Variants in NCF4 observed in about 807,000 individuals in gnomAD.
NCF4 encodes the protein neutrophil cytosolic factor 4, also known as neutrophil cytosol factor 4.
NCF4 carries 30 observed loss-of-function variants against 41.7 expected under a neutral mutation model. That is an observed-to-expected ratio of 0.72 (90% confidence interval 0.54 to 0.97). The LOEUF is 0.97. Among genes scored for constraint, NCF4 ranks in the 50% least tolerant of loss-of-function variants. The pLI, the probability that NCF4 is intolerant of heterozygous loss-of-function variation, is 0.00. For missense variants in NCF4, 432 were observed against 460.9 expected (o/e 0.94, Z 0.57); for synonymous variants, 195 against 175.8 (o/e 1.11, Z -0.87).
chr22:36,864,058 C>T lies in NCF4; in HGVS notation c.46C>T (p.Leu16Phe), dbSNP rs755356622. The T allele has an allele frequency of 8.7e-6, 14 of 1,614,050 alleles. No homozygotes were observed. Among genetic ancestry groups the T allele is most frequent in the Admixed American group, 8.3e-5 (5 of 60,010 alleles). Residue 16 changes from leucine to phenylalanine, a missense_variant, in exon 2 of 10, where the codon CTT (leucine) becomes TTT (phenylalanine). Coordinates refer to ENST00000248899, the MANE Select transcript of NCF4 (RefSeq NM_000631.5). ...TCCTTCGCACAGTGACTTTGAACAGCTTCCGGATGATGTTGCCATCTCGGC... is the reference window on the plus strand; with the variant it reads ...TCCTTCGCACAGTGACTTTGAACAGTTTCCGGATGATGTTGCCATCTCGGC... ...QLRAESDFEQ[L>F]PDDVAISANI...
intron 3 of NCF4, among the ~76,000 whole-genome samples, chr22:36,866,337 C>A (rs1480269122): frequency 6.6e-6 from 1 of 152,138 alleles, no homozygotes; most frequent in African/African-American, 2.4e-5. Flanking sequence ...CATCTTCACA[C>A]CCCCACTCCT....
intron 5 of NCF4, among the ~76,000 whole-genome samples, chr22:36,870,787 A>G (rs2145717150): frequency 6.6e-6 from 1 of 152,250 alleles, no homozygotes; most frequent in Middle Eastern, 3.4e-3. Flanking sequence ...GACTCCAGAG[A>G]GTTTGGTGCC....
In NCF4 at chr22:36,863,147, A is replaced by G. The variant is rs374570915; in HGVS notation, c.33-898A>G. On this transcript the variant is annotated intron_variant, in intron 1 of 9. Transcript: ENST00000248899. ...CCATCAAAAAACTCTATAATTGCAG[A>G]CGACGGTAGTGGCCGTGTATTGAGC... 9.9e-5 allele frequency among the ~76,000 whole-genome samples: 15 copies of G among 152,224 alleles called. No individual in the cohort carries two copies. The East Asian group carries it at 1.7e-3, about 18-fold the overall frequency.
At chr22:36,863,206 T>A (rs371228405) in intron 1 of NCF4, among the ~76,000 whole-genome samples, 7 of 152,174 alleles carry the variant, frequency 4.6e-5, no homozygotes, top group African/African-American at 1.7e-4. Context: ...CGGGCTCTGT[T>A]CTGGGCACTG....
At position 36,877,983 on chromosome 22, in the gene NCF4, C is replaced by T; in HGVS notation, c.*160C>T. ...ATCTGTCTCTTTCTACTATTTACAT[C>T]TGATTTAAATAAACCATTCCATCTG... is the stretch of plus-strand genomic sequence containing the variant. On this transcript the variant is annotated 3_prime_UTR_variant, in exon 10 of 10. Coordinates refer to ENST00000248899, the MANE Select transcript of NCF4 (RefSeq NM_000631.5). The T allele has an allele frequency of 4.2e-6, 3 of 715,278 alleles. No individual in the cohort carries two copies. Among genetic ancestry groups the T allele is most frequent in the Non-Finnish European group, 6.9e-6 (3 of 437,860 alleles). 44.3% of individuals were successfully genotyped at this position (715,278 alleles called of 1,614,324 possible). A position where few individuals can be genotyped will look rare whatever the true frequency, so the allele number is the denominator to read the frequency against.
At chr22:36,862,248 G>A (rs985847327) in intron 1 of NCF4, among the ~76,000 whole-genome samples, 2 of 152,208 alleles carry the variant, frequency 1.3e-5, no homozygotes, top group Admixed American at 6.5e-5. Context: ...GTGCCTACGC[G>A]GGGAACAGAA....
At chr22:36,867,290 C>T in intron 3 of NCF4, 102 bp from the exon 4 acceptor site, 18 of 1,227,990 alleles carry the variant, frequency 1.5e-5, no homozygotes, top group East Asian at 2.4e-5. Context: ...GCTGAGCCAT[C>T]GGGAAGGGGC....
chr22:36,863,818 C>T (rs1939846313), intron 1 of NCF4, among the ~76,000 whole-genome samples: 2 of 151,846 alleles, frequency 1.3e-5, no homozygotes, highest in South Asian at 4.2e-4. Context: ...CCCATTCCTG[C>T]ACTCAGTATG....
In NCF4 at chr22:36,868,829, T is replaced by C. The variant is rs371805198; in HGVS notation, c.342+1367T>C. 6.8e-4 allele frequency among the ~76,000 whole-genome samples: 104 copies of C among 152,266 alleles called. 1 individual carries two copies. The highest frequency in any genetic ancestry group is 2.4e-3 in the African/African-American group (98 of 41,530). ...CCAGAGATCATTCAGGGCAGGAATCTCTGCCATGGCCACCCCATCCTGTGC... is the reference window on the plus strand; with the variant it reads ...CCAGAGATCATTCAGGGCAGGAATCCCTGCCATGGCCACCCCATCCTGTGC... On this transcript the variant is annotated intron_variant, in intron 4 of 9. Transcript: ENST00000248899.
intron 1 of NCF4, 45 bp from the exon 2 acceptor site, chr22:36,864,000 A>T: frequency 6.3e-7 from 1 of 1,575,702 alleles, no homozygotes; most frequent in Non-Finnish European, 8.7e-7. Flanking sequence ...CCCACAAAAC[A>T]CATCAGGGTG....
chr22:36,875,578 G>T (rs748666400), intron 7 of NCF4, 75 bp from the exon 8 acceptor site: 3 of 1,394,978 alleles, frequency 2.2e-6, no homozygotes, highest in Non-Finnish European at 2.0e-6. Flanking sequence ...TCACTAGAAC[G>T]GGGCTGAGGG....
rs1266382217 is a variant in NCF4 at position 36,875,801 on chromosome 22, G to C, written c.758+18G>C. ...ACCATCAAGTCTGTGGCCTGGGAGG[G>C]AGGGGCCTGTCCAGCCTTCCTGCCA... On this transcript the variant is annotated intron_variant, in intron 8 of 9. Transcript: ENST00000248899. 1 of 1,614,048 alleles carries C rather than the reference G, an allele frequency of 6.2e-7. No individual in the cohort carries two copies. The highest frequency in any genetic ancestry group is 8.5e-7 in the Non-Finnish European group (1 of 1,180,038).
At chr22:36,872,090 TC>T in intron 6 of NCF4, 1 of 707,468 alleles carries the variant, frequency 1.4e-6, no homozygotes, top group Non-Finnish European at 2.6e-6. Flanking sequence ...TTCGAACCCT[TC>T]CCTGTGTGCT....
At chr22:36,862,602 C>T (rs1355529225) in intron 1 of NCF4, among the ~76,000 whole-genome samples, 1 of 152,156 alleles carries the variant, frequency 6.6e-6, no homozygotes, top group Non-Finnish European at 1.5e-5. Flanking sequence ...TGCCTTAGCC[C>T]TCAGAGGGGG....
intron 2 of NCF4, 67 bp downstream of exon 2, chr22:36,864,196 T>TGCCTTCTGACCTCTGAACCTC: frequency 7.9e-7 from 1 of 1,273,656 alleles, no homozygotes; most frequent in South Asian, 1.2e-5. Flanking sequence ...CTCTGAACCT[T>TGCCTTCTGACCTCTGAACCTC]GCCCTCTGAC....
At position 36,872,404 on chromosome 22, in the gene NCF4, G is replaced by C; in HGVS notation, c.606G>C (p.Arg202=). 6.2e-7 allele frequency: 1 copy of C among 1,611,556 alleles called. No individual in the cohort carries two copies. Among genetic ancestry groups the C allele is most frequent in the Non-Finnish European group, 8.5e-7 (1 of 1,177,620 alleles). The change falls in exon 7 of 10, where the codon CGG becomes CGC. Residue 202 remains arginine, a synonymous_variant. Coordinates refer to ENST00000248899, the MANE Select transcript of NCF4 (RefSeq NM_000631.5). ...KAGDVIFLLS[R]INKDWLEGTV... is the part of the protein sequence containing the mutation. ...GAGATGTGATCTTCCTCCTCAGTCG[G>C]ATCAACAAAGACTGGCTGGAGGTGA...
intron 3 of NCF4, among the ~76,000 whole-genome samples, chr22:36,866,606 C>T (rs961317486): frequency 2.0e-5 from 3 of 152,094 alleles, no homozygotes; most frequent in African/African-American, 4.8e-5. Context: ...CTAGCTCTAG[C>T]CCAGACCCTC....
At chr22:36,867,219 T>C (rs1489252504) in intron 3 of NCF4, among the ~76,000 whole-genome samples, 173 bp from the exon 4 acceptor site, 1 of 151,040 alleles carries the variant, frequency 6.6e-6, no homozygotes, top group Non-Finnish European at 1.5e-5. Context: ...ACTGAGAGGA[T>C]GAAAGTTGGA....
chr22:36,865,944 G>C lies in NCF4; in HGVS notation c.271+872G>C, dbSNP rs544055461. On this transcript the variant is annotated intron_variant, in intron 3 of 9. Coordinates refer to ENST00000248899, the MANE Select transcript of NCF4 (RefSeq NM_000631.5). This position sits in a 1 kb window ranked among gnomAD's most constrained non-coding sequence, Gnocchi z 4.3. ...ACTCTAAGCCAGCCTCCCCTCTCAG[G>C]CTCCATCATTTTCCCTCCTCTCTCT... is the stretch of plus-strand genomic sequence containing the variant. Among the ~76,000 whole-genome samples the C allele has an allele frequency of 1.3e-5, 2 of 151,922 alleles. No homozygotes were observed. Among genetic ancestry groups the C allele is most frequent in the Non-Finnish European group, 2.9e-5 (2 of 67,986 alleles).
Sources: allele counts gnomAD v4.1 joint callset (sites outside exome capture counted in the v4.1 genomes callset), GRCh38; gene constraint gnomAD v4.1.1; non-coding constraint Gnocchi (gnomAD v3.1); transcripts MANE v1.5; gene names NCBI Gene and HGNC (gene_info 2026-07-23, HGNC 2026-07-21).